Variants in CABIN1 observed in about 807,000 individuals in gnomAD.
CABIN1 encodes the protein calcineurin-binding protein cabin-1.
CABIN1 carries 133 observed loss-of-function variants against 227.7 expected under a neutral mutation model. The observed-to-expected ratio is 0.58, with a 90% CI of 0.51 to 0.67. The LOEUF (loss-of-function observed/expected upper bound fraction) is 0.67. Among genes scored for constraint, CABIN1 ranks in the 30% least tolerant of loss-of-function variants. The pLI, the probability that CABIN1 is intolerant of heterozygous loss-of-function variation, is 0.00. For missense variants in CABIN1, 2,408 were observed against 2,852.5 expected (o/e 0.84, Z 3.55); for synonymous variants, 1,086 against 1,155.1 (o/e 0.94, Z 1.21).
intron 4 of CABIN1, 79 bp from the exon 5 acceptor site, chr22:24,041,060 C>T (rs1482728100): frequency 6.3e-7 from 1 of 1,586,488 alleles, no homozygotes; most frequent in Non-Finnish European, 8.7e-7. Flanking sequence ...CAGAGGCCAG[C>T]CTGGAAGCCA....
chr22:24,044,996 C>T (rs943616967), intron 6 of CABIN1, among the ~76,000 whole-genome samples: 3 of 149,576 alleles, frequency 2.0e-5, no homozygotes, highest in Admixed American at 6.7e-5. Flanking sequence ...CTCGGCTTAT[C>T]GCAAGGTCCA....
chr22:24,167,066 C>G lies in CABIN1; in HGVS notation c.5435C>G (p.Pro1812Arg), dbSNP rs529900288. 1.3e-6 allele frequency: 2 copies of G among 1,545,144 alleles called. No individual in the cohort carries two copies. Among genetic ancestry groups the G allele is most frequent in the Non-Finnish European group, 1.7e-6 (2 of 1,145,084 alleles). The stretch of plus-strand genomic sequence containing the variant: ...ATCAGTGCCCGGCAGCAGCCCACCC[C>G]GCTCACCCCAGCCCAGCCAGCCCCC... ...LSISARQQPT[P>R]LTPAQPAPAP... Residue 1812 changes from proline to arginine, a missense_variant, in exon 32 of 37, where the codon CCG (proline) becomes CGG (arginine). Transcript: ENST00000263119.
At chr22:24,103,810 G>A (rs2042351049) in intron 26 of CABIN1, among the ~76,000 whole-genome samples, 1 of 152,190 alleles carries the variant, frequency 6.6e-6, no homozygotes, top group Non-Finnish European at 1.5e-5. Flanking sequence ...GTGCCATGGG[G>A]AAAGTCAAGA....
intron 26 of CABIN1, among the ~76,000 whole-genome samples, chr22:24,099,048 A>T (rs957475837): frequency 6.6e-6 from 1 of 152,160 alleles, no homozygotes; most frequent in Non-Finnish European, 1.5e-5. Context: ...GCTTCCTGCC[A>T]GATAGTCTTT....
At chr22:24,109,719 G>T (rs1005146162) in intron 26 of CABIN1, among the ~76,000 whole-genome samples, 5 of 152,292 alleles carry the variant, frequency 3.3e-5, no homozygotes, top group African/African-American at 1.2e-4. Context: ...TCTGTGAGAT[G>T]ATATGTGGTT....
chr22:24,080,414 C>T (rs1234323679), intron 19 of CABIN1, among the ~76,000 whole-genome samples: 2 of 152,202 alleles, frequency 1.3e-5, no homozygotes, highest in East Asian at 1.9e-4. Flanking sequence ...TGATATCCAA[C>T]CCCCTAACGC....
intron 19 of CABIN1, among the ~76,000 whole-genome samples, chr22:24,077,824 T>G (rs1457927945): frequency 6.6e-6 from 1 of 151,902 alleles, no homozygotes; most frequent in Non-Finnish European, 1.5e-5. Context: ...GTGCTAAGAG[T>G]GAAGGGGTGG....
intron 26 of CABIN1, chr22:24,102,071 C>T (rs1428182289): frequency 6.6e-6 from 1 of 152,240 alleles, no homozygotes; most frequent in Non-Finnish European, 1.5e-5. Flanking sequence ...AAACTGCCTG[C>T]TGTAGTCAGG....
At chr22:24,166,545 G>A in intron 31 of CABIN1, 94 bp from the exon 32 acceptor site, 1 of 1,485,996 alleles carries the variant, frequency 6.7e-7, no homozygotes, top group South Asian at 1.1e-5. Flanking sequence ...ATGTCAGGTG[G>A]GAGAGGCCCA....
At chr22:24,033,572 G>A (rs2146903268) in intron 1 of CABIN1, among the ~76,000 whole-genome samples, 1 of 152,264 alleles carries the variant, frequency 6.6e-6, no homozygotes, top group East Asian at 1.9e-4. Flanking sequence ...CTCTCAGCTA[G>A]GACTTTTAAT....
At chr22:24,115,161 G>A (rs1387459109) in intron 27 of CABIN1, among the ~76,000 whole-genome samples, 1 of 152,246 alleles carries the variant, frequency 6.6e-6, no homozygotes, top group Non-Finnish European at 1.5e-5. Context: ...GACCTACCAT[G>A]TGTGCTCTGT....
intron 26 of CABIN1, among the ~76,000 whole-genome samples, chr22:24,113,282 C>T (rs753641735): frequency 3.9e-5 from 6 of 152,216 alleles, no homozygotes; most frequent in Non-Finnish European, 7.3e-5. Context: ...TGCTATTAAT[C>T]AGGGCTTTCT....
At chr22:24,160,189 A>G (rs1346158742) in intron 29 of CABIN1, 1 of 152,128 alleles carries the variant, frequency 6.6e-6, no homozygotes, top group Non-Finnish European at 1.5e-5. Context: ...CAGTGTAGAC[A>G]TAGGATGAAT....
At chr22:24,150,074 A>G (rs556758338) in intron 29 of CABIN1, among the ~76,000 whole-genome samples, 4 of 152,334 alleles carry the variant, frequency 2.6e-5, no homozygotes, top group Non-Finnish European at 4.4e-5. Flanking sequence ...CCCAAGGGCT[A>G]CAGATGAGGA....
At chr22:24,052,323 C>T (rs752118130) in intron 8 of CABIN1, among the ~76,000 whole-genome samples, 1 of 150,774 alleles carries the variant, frequency 6.6e-6, no homozygotes, top group Non-Finnish European at 1.5e-5. Flanking sequence ...GATTCCCTCT[C>T]TGGTAGCAGA....
intron 21 of CABIN1, 93 bp downstream of exon 21, chr22:24,084,878 G>A (rs2041046737): frequency 1.3e-6 from 2 of 1,566,246 alleles, no homozygotes; most frequent in East Asian, 2.2e-5. Flanking sequence ...TTCTTTTTCT[G>A]CTCTGTACCA....
Position 24,171,914 on chromosome 22 carries a change from A to G in CABIN1, c.5959A>G (p.Thr1987Ala), listed in dbSNP as rs1483382570. 6.2e-7 allele frequency: 1 copy of G among 1,613,838 alleles called. No individual in the cohort carries two copies. The highest frequency in any genetic ancestry group is 1.7e-5 in the Admixed American group (1 of 60,026). ...ITCPPSASAS[T>A]LDQSKDPGPP... ...CTGCCCTCCGTCAGCATCAGCTTCC[A>G]CCCTGGACCAGTCCAAGGACCCTGG... Residue 1987 changes from threonine (T) to alanine (A), a missense_variant, in exon 34 of 37, where the codon ACC becomes GCC. By Grantham distance (58) the Thr-to-Ala change is moderately conservative (BLOSUM62 0). Coordinates refer to ENST00000263119, the MANE Select transcript of CABIN1 (RefSeq NM_012295.4).
At chr22:24,108,541 C>T (rs536135183) in intron 26 of CABIN1, among the ~76,000 whole-genome samples, 1 of 152,332 alleles carries the variant, frequency 6.6e-6, no homozygotes, top group South Asian at 2.1e-4. Flanking sequence ...GGGTCTTATA[C>T]ACGTCCCAAG....
intron 26 of CABIN1, among the ~76,000 whole-genome samples, chr22:24,113,286 G>T (rs1649442991): frequency 6.6e-6 from 1 of 152,242 alleles, no homozygotes; most frequent in Non-Finnish European, 1.5e-5. Flanking sequence ...ATTAATCAGG[G>T]CTTTCTTTTT....
Sources: gnomAD v4.1 joint callset for allele counts (sites outside exome capture counted in the v4.1 genomes callset) on GRCh38, gnomAD v4.1.1 for gene constraint, MANE v1.5 for transcripts, NCBI Gene and HGNC (gene_info 2026-07-23, HGNC 2026-07-21) for gene names.